AFF3: variants seen among roughly 807,000 people sequenced by gnomAD.
The protein encoded by AFF3 is AF4/FMR2 family member 3.
AFF3 carries 32 observed loss-of-function variants against 129.7 expected under a neutral mutation model. The ratio of observed to expected loss-of-function variants is 0.25; its 90% CI spans 0.19 to 0.33. The LOEUF (loss-of-function observed/expected upper bound fraction) is 0.33, where lower values mean the gene tolerates loss of function less well. Ranked by LOEUF, AFF3 falls within the 10% of genes least tolerant of loss-of-function variation. The probability of loss-of-function intolerance (pLI) is 1.00; values close to 1 mark genes in which losing one functional copy is unlikely to be tolerated. For synonymous variants in AFF3, 644 were observed against 635.4 expected (o/e 1.01, Z -0.20); for missense variants, 1,373 against 1,592.0 (o/e 0.86, Z 2.34).
intron 14 of AFF3, 118 bp from the exon 15 acceptor site, chr2:99,594,407 G>T: frequency 7.0e-7 from 1 of 1,420,560 alleles, no homozygotes; most frequent in Non-Finnish European, 9.4e-7. Context: ...AAACGAATGG[G>T]CTGGAAGCAA....
chr2:99,930,599 A>C (rs1576370815), intron 7 of AFF3, among the ~76,000 whole-genome samples: 1 of 151,990 alleles, frequency 6.6e-6, no homozygotes, highest in African/African-American at 2.4e-5. Flanking sequence ...CAGTTCCTAC[A>C]TTTCTGCACT....
intron 13 of AFF3, among the ~76,000 whole-genome samples, chr2:99,634,964 T>TACAC (rs201362666): frequency 0.15 from 19,954 of 137,536 alleles, 1,649 homozygotes; most frequent in Admixed American, 0.23. Context: ...GATTCTGTCA[T>TACAC]ACACACACAC....
At chr2:99,672,740 T>C (rs911017821) in intron 11 of AFF3, 151 bp from the exon 12 acceptor site, 6 of 747,478 alleles carry the variant, frequency 8.0e-6, no homozygotes, top group African/African-American at 1.8e-5. Context: ...TTCCTTCTTA[T>C]GCACTTTTCC....
chr2:100,096,268 G>T (rs1690283906), intron 4 of AFF3, among the ~76,000 whole-genome samples: 1 of 151,914 alleles, frequency 6.6e-6, no homozygotes, highest in African/African-American at 2.4e-5. Context: ...GGCTTTGAAG[G>T]AATGATGAGA....
intron 7 of AFF3, among the ~76,000 whole-genome samples, chr2:99,839,672 C>T (rs1187193348): frequency 6.7e-6 from 1 of 150,214 alleles, no homozygotes; most frequent in Non-Finnish European, 1.5e-5. Flanking sequence ...AGTGCAGTGG[C>T]GCGATATTGG....
intron 4 of AFF3, among the ~76,000 whole-genome samples, chr2:100,067,978 C>G (rs1047333333): frequency 6.6e-6 from 1 of 152,114 alleles, no homozygotes; most frequent in Non-Finnish European, 1.5e-5. Flanking sequence ...AGTTTAAACA[C>G]AAAAGGCTGA....
intron 4 of AFF3, among the ~76,000 whole-genome samples, chr2:100,053,808 C>T (rs985156170): frequency 6.6e-6 from 1 of 152,114 alleles, no homozygotes; most frequent in African/African-American, 2.4e-5. Flanking sequence ...ACAGCAACAG[C>T]ATTAAAGGAT....
intron 7 of AFF3, among the ~76,000 whole-genome samples, chr2:99,943,379 T>C (rs1442690097): frequency 6.6e-6 from 1 of 152,212 alleles, no homozygotes. Flanking sequence ...ATCCCTAATC[T>C]TTTGATTTAG....
At chr2:99,921,781 G>A (rs768278390) in intron 7 of AFF3, among the ~76,000 whole-genome samples, 2 of 151,080 alleles carry the variant, frequency 1.3e-5, no homozygotes, top group Non-Finnish European at 2.9e-5. Flanking sequence ...AGTAAGCCAC[G>A]AAATGAGAGA....
intron 13 of AFF3, among the ~76,000 whole-genome samples, chr2:99,623,293 G>C (rs1682223648): frequency 6.6e-6 from 1 of 151,986 alleles, no homozygotes; most frequent in South Asian, 2.1e-4. Flanking sequence ...CTTGTTCAAA[G>C]AGCAAGATAA....
rs1431746734 is a variant in AFF3 at position 99,672,507 on chromosome 2, C to T, written c.1143+31G>A. ...AGGTAACTGTTACCAGTGTCACCTC[C>T]AAAGGATGATGACATAAAAGAGAAT... On this transcript the variant is annotated intron_variant, in intron 12 of 24. Transcript: ENST00000672756. 5.0e-6 allele frequency: 8 copies of T among 1,610,554 alleles called. No individual in the cohort carries two copies. In the South Asian group the frequency reaches 7.7e-5, roughly 15 times the overall value.
chr2:99,575,236 T>C (rs1031714278), intron 18 of AFF3, among the ~76,000 whole-genome samples: 1 of 152,080 alleles, frequency 6.6e-6, no homozygotes, highest in African/African-American at 2.4e-5. Context: ...TTTTTACTGC[T>C]TAAAGGAAGA....
intron 7 of AFF3, among the ~76,000 whole-genome samples, chr2:99,861,341 G>A (rs1361815936): frequency 1.3e-5 from 2 of 152,172 alleles, no homozygotes; most frequent in East Asian, 1.9e-4. Flanking sequence ...ACGATATGGG[G>A]AGTAGAGAAG....
chr2:99,833,584 T>G (rs1688658626), intron 8 of AFF3, among the ~76,000 whole-genome samples: 1 of 152,138 alleles, frequency 6.6e-6, no homozygotes, highest in Non-Finnish European at 1.5e-5. Context: ...ATGAGTGTCT[T>G]CAACAAATGC....
At chr2:99,927,887 CAT>C (rs1268304318) in intron 7 of AFF3, among the ~76,000 whole-genome samples, 1 of 152,154 alleles carries the variant, frequency 6.6e-6, no homozygotes, top group Non-Finnish European at 1.5e-5. Flanking sequence ...ATAATTCCCA[CAT>C]GTGGTGGGAG....
At chr2:100,120,515 CA>C (rs1440334789) in intron 2 of AFF3, among the ~76,000 whole-genome samples, 1 of 143,840 alleles carries the variant, frequency 7.0e-6, no homozygotes, top group Non-Finnish European at 1.5e-5. Flanking sequence ...AGCCTGTAGC[CA>C]AAAGGCTGAG....
In AFF3 at chr2:99,928,071, T is replaced by G. The variant is rs566865900; in HGVS notation, c.873+78561A>C. Among the ~76,000 whole-genome samples, 214 of 152,324 alleles carry G rather than the reference T, an allele frequency of 1.4e-3. 2 individuals are homozygous for G. Among genetic ancestry groups the G allele is most frequent in the African/African-American group, 5.0e-3 (208 of 41,578 alleles). On this transcript the variant is annotated intron_variant, in intron 7 of 24. Coordinates refer to ENST00000672756, the MANE Select transcript of AFF3 (RefSeq NM_001386135.1). ...AGATGTGACTTGCTCCTCCTTGCCT[T>G]CCGCCATGATTGTGAGGCCTCCCTA...
intron 7 of AFF3, among the ~76,000 whole-genome samples, chr2:99,856,920 G>C (rs1050084477): frequency 2.0e-5 from 3 of 151,964 alleles, no homozygotes; most frequent in African/African-American, 7.2e-5. Context: ...GGGCATATAG[G>C]AGAGAACTAT....
At chr2:99,894,505 G>A (rs565533277) in intron 7 of AFF3, among the ~76,000 whole-genome samples, 66 of 149,274 alleles carry the variant, frequency 4.4e-4, no homozygotes, top group Non-Finnish European at 7.3e-4. Flanking sequence ...GTCTCGCTCT[G>A]TCGCCCAGGC....
Sources: gnomAD v4.1 joint callset for allele counts (sites outside exome capture counted in the v4.1 genomes callset) on GRCh38, gnomAD v4.1.1 for gene constraint, MANE v1.5 for transcripts, NCBI Gene and HGNC (gene_info 2026-07-23, HGNC 2026-07-21) for gene names.